APOBEC3F: variants seen among roughly 807,000 people sequenced by gnomAD.
APOBEC3F encodes the protein apolipoprotein B mRNA editing enzyme catalytic subunit 3F, also known as DNA dC->dU-editing enzyme APOBEC-3F.
Under a neutral mutation model 45.8 loss-of-function variants are expected in APOBEC3F, and 34 were observed. The ratio of observed to expected loss-of-function variants is 0.74; its 90% confidence interval spans 0.57 to 0.99. The LOEUF (loss-of-function observed/expected upper bound fraction) is 0.99, where lower values mean the gene tolerates loss of function less well. Among genes scored for constraint, APOBEC3F ranks in the 50% least tolerant of loss-of-function variants. The pLI is 0.00. For synonymous variants in APOBEC3F, 192 were observed against 174.4 expected (o/e 1.10, Z -0.80); for missense variants, 459 against 474.1 (o/e 0.97, Z 0.30).
Position 39,049,472 on chromosome 22 carries a change from A to G in APOBEC3F, c.614A>G (p.Lys205Arg). Residue 205 changes from lysine (K) to arginine (R), a missense_variant, in exon 5 of 7, where the codon AAA becomes AGA. Physicochemically the swap from Lys to Arg is conservative, Grantham distance 26. Coordinates refer to ENST00000308521, the MANE Select transcript of APOBEC3F (RefSeq NM_145298.6). ...MYPHIFYFHF[K>R]NLRKAYGRNE... is the part of the protein sequence containing the mutation. ...CCACACATATTCTACTTCCACTTTAAAAACCTACGCAAAGCCTATGGTCGG... is the reference window on the plus strand; with the variant it reads ...CCACACATATTCTACTTCCACTTTAGAAACCTACGCAAAGCCTATGGTCGG... The G allele has an allele frequency of 6.2e-7, 1 of 1,614,080 alleles. No homozygotes were observed. Among genetic ancestry groups the G allele is most frequent in the Non-Finnish European group, 8.5e-7 (1 of 1,180,016 alleles).
chr22:39,050,937 A>G (rs1927454698), intron 5 of APOBEC3F, among the ~76,000 whole-genome samples: 1 of 152,170 alleles, frequency 6.6e-6, no homozygotes, highest in South Asian at 2.1e-4. Flanking sequence ...GAAAAGACTC[A>G]ATAAAATAAA....
intron 4 of APOBEC3F, among the ~76,000 whole-genome samples, chr22:39,047,433 A>G (rs1927277392): frequency 6.6e-6 from 1 of 152,006 alleles, no homozygotes; most frequent in Admixed American, 6.5e-5. Flanking sequence ...TGGAAGATAA[A>G]ATAGAACCCA....
At position 39,052,986 on chromosome 22, in the gene APOBEC3F, A is replaced by ATTTTTT. The variant is rs201268620; in HGVS notation, c.*292_*293insTTTTTT. ...TTTCCCATCTCCCCAGCATAACCTAATATTTTTTTTTTTTTTTTGAGACGG... is the reference window on the plus strand; with the variant it reads ...TTTCCCATCTCCCCAGCATAACCTAATTTTTTTATTTTTTTTTTTTTTTTGAGACGG... On this transcript the variant is annotated 3_prime_UTR_variant, in exon 7 of 7. Transcript: ENST00000308521. 1.9e-5 allele frequency: 5 copies of ATTTTTT among 266,356 alleles called. No individual in the cohort carries two copies. The highest frequency in any genetic ancestry group is 2.5e-5 in the Non-Finnish European group (4 of 160,390). The allele number at this position is 266,356 out of a possible 1,614,324, so 16.5% of individuals were successfully genotyped here.
At position 39,044,904 on chromosome 22, in the gene APOBEC3F, C is replaced by T. The variant is rs767013641; in HGVS notation, c.172-37C>T. On this transcript the variant is annotated intron_variant, in intron 2 of 6. Transcript: ENST00000308521. ...CACCCCTGCACTCCTCCTGCTCCCC[C>T]TCTCAGAGCATCCCCTGCCCCCTGC... 243 of 1,586,504 alleles carry T rather than the reference C, an allele frequency of 1.5e-4. 1 individual carries two copies. Among genetic ancestry groups the T allele is most frequent in the Admixed American group, 1.1e-3 (62 of 58,356 alleles).
chr22:39,046,635 T>G (rs1366887557), intron 4 of APOBEC3F, among the ~76,000 whole-genome samples: 2 of 151,790 alleles, frequency 1.3e-5, no homozygotes, highest in African/African-American at 4.8e-5. Flanking sequence ...TTTTTTTTTT[T>G]GAGACACTGT....
intron 3 of APOBEC3F, 39 bp from the exon 4 acceptor site, chr22:39,045,388 TC>T: frequency 6.2e-7 from 1 of 1,613,680 alleles, no homozygotes; most frequent in Non-Finnish European, 8.5e-7. Flanking sequence ...GGGCCCAGGG[TC>T]AGGGCAGAGC....
intron 5 of APOBEC3F, among the ~76,000 whole-genome samples, chr22:39,051,386 A>G (rs1188328317): frequency 2.0e-5 from 3 of 151,104 alleles, no homozygotes; most frequent in Non-Finnish European, 4.4e-5. Context: ...AAATACAAAA[A>G]ATTAGCCAGG....
At chr22:39,041,720 G>A (rs140247279) in intron 1 of APOBEC3F, among the ~76,000 whole-genome samples, 91 of 152,046 alleles carry the variant, frequency 6.0e-4, no homozygotes, top group African/African-American at 2.1e-3. Context: ...AAAATTAGCC[G>A]GGTGTGGTGG....
chr22:39,053,638 A>C lies in APOBEC3F; in HGVS notation c.*943A>C, dbSNP rs1172148994. Reference sequence around the variant, plus strand: ...TGAAAATAAATCAATAAATAAACTCAACCGAAATGGGTATGAAAGTTGAAA... The same window carrying C: ...TGAAAATAAATCAATAAATAAACTCCACCGAAATGGGTATGAAAGTTGAAA... On this transcript the variant is annotated 3_prime_UTR_variant, in exon 7 of 7. Coordinates refer to ENST00000308521, the MANE Select transcript of APOBEC3F (RefSeq NM_145298.6). 1 of 152,110 alleles carries C rather than the reference A, an allele frequency of 6.6e-6. No individual in the cohort carries two copies. The highest frequency in any genetic ancestry group is 2.4e-5 in the African/African-American group (1 of 41,418). The allele number at this position is 152,110 out of a possible 1,614,324, so 9.4% of individuals were successfully genotyped here.
intron 4 of APOBEC3F, 61 bp from the exon 5 acceptor site, chr22:39,049,364 G>A: frequency 6.4e-7 from 1 of 1,573,434 alleles, no homozygotes; most frequent in South Asian, 1.2e-5. Flanking sequence ...TGTTCAGTGG[G>A]CATCAGCTCC....
rs144233634 is a variant in APOBEC3F, at chr22:39,045,015, C to T, written c.246C>T (p.Tyr82=). The stretch of plus-strand genomic sequence containing the variant: ...TCTGTGGCAACCAGCTGCCTGCTTA[C>T]AAGTGTTTCCAGATCACCTGGTTTG... The part of the protein sequence containing the change: ...SWFCGNQLPA[Y]KCFQITWFVS... Residue 82 remains tyrosine (Y), a synonymous_variant, in exon 3 of 7, where the codon TAC becomes TAT. Transcript: ENST00000308521. The T allele has an allele frequency of 2.7e-5, 44 of 1,614,050 alleles. No individual in the cohort carries two copies. Among genetic ancestry groups the T allele is most frequent in the Non-Finnish European group, 3.6e-5 (43 of 1,179,990 alleles).
chr22:39,053,180 G>A lies in APOBEC3F; in HGVS notation c.*485G>A, dbSNP rs191162898. Reference sequence around the variant, plus strand: ...TTTTTTTTTTTTTGTATTTTTAGTAGTGACTGGGTTTCACCATGTTGGCCA... The same window carrying A: ...TTTTTTTTTTTTTGTATTTTTAGTAATGACTGGGTTTCACCATGTTGGCCA... On this transcript the variant is annotated 3_prime_UTR_variant, in exon 7 of 7. Transcript: ENST00000308521. 1.8e-3 allele frequency: 279 copies of A among 151,292 alleles called. No individual in the cohort carries two copies. The highest frequency in any genetic ancestry group is 6.8e-3 in the Middle Eastern group (2 of 294). The allele number at this position is 151,292 out of a possible 1,614,324, so 9.4% of individuals were successfully genotyped here. A position where few individuals can be genotyped will look rare whatever the true frequency, so the allele number is the denominator to read the frequency against.
At chr22:39,051,907 A>C (rs1028837967) in intron 5 of APOBEC3F, among the ~76,000 whole-genome samples, 167 bp from the exon 6 acceptor site, 1 of 152,162 alleles carries the variant, frequency 6.6e-6, no homozygotes, top group African/African-American at 2.4e-5. Flanking sequence ...TCAGCCCCAG[A>C]TCGCACCACT....
chr22:39,044,447 T>A lies in APOBEC3F; in HGVS notation c.172-494T>A. The A allele has an allele frequency of 1.6e-6, 2 of 1,283,058 alleles. 1 individual carries two copies. Among genetic ancestry groups the A allele is most frequent in the South Asian group, 3.8e-5 (2 of 52,592 alleles). 79.5% of individuals were successfully genotyped at this position (1,283,058 alleles called of 1,614,324 possible). ...GAGTTCTGGCCTCTGGGAAGTCCAC[T>A]GTCAATGCACCAGCAACTTTCCAGG... On this transcript the variant is annotated intron_variant, in intron 2 of 6. Transcript: ENST00000308521.
In APOBEC3F at chr22:39,049,561, A is replaced by T. The variant is rs370797211; in HGVS notation, c.703A>T (p.Arg235Trp). The change falls in exon 5 of 7, where the codon AGG (arginine) becomes TGG (tryptophan). Residue 235 changes from arginine (R) to tryptophan (W), a missense_variant. Transcript: ENST00000308521. Reference protein sequence around the residue: ...VKHHSPVSWKRGVFRNQVDPE... With the variant: ...VKHHSPVSWKWGVFRNQVDPE... ...GCACCACTCACCTGTCTCCTGGAAG[A>T]GGGGCGTCTTCCGAAACCAGGTAGC... 3 of 1,614,024 alleles carry T rather than the reference A, an allele frequency of 1.9e-6. No individual in the cohort carries two copies. The highest frequency in any genetic ancestry group is 2.5e-6 in the Non-Finnish European group (3 of 1,180,010).
At chr22:39,046,619 A>ATT (rs1276205638) in intron 4 of APOBEC3F, among the ~76,000 whole-genome samples, 1 of 142,846 alleles carries the variant, frequency 7.0e-6, no homozygotes, top group Non-Finnish European at 1.5e-5. Flanking sequence ...ATTGAATAAG[A>ATT]TTTTTTTTTT....
chr22:39,052,951 T>A lies in APOBEC3F; in HGVS notation c.*256T>A. 1.5e-6 allele frequency: 1 copy of A among 646,766 alleles called. No homozygotes were observed. The highest frequency in any genetic ancestry group is 2.2e-6 in the Non-Finnish European group (1 of 459,028). The allele number at this position is 646,766 out of a possible 1,614,324, so 40.1% of individuals were successfully genotyped here. A position where few individuals can be genotyped will look rare whatever the true frequency, so the allele number is the denominator to read the frequency against. On this transcript the variant is annotated 3_prime_UTR_variant, in exon 7 of 7. Coordinates refer to ENST00000308521, the MANE Select transcript of APOBEC3F (RefSeq NM_145298.6). ...CCTGTTCCCTGAGCCTGCATGCCCC[T>A]AACCTGCCTTTTCCCATCTCCCCAG...
chr22:39,045,184 C>G lies in APOBEC3F; in HGVS notation c.415C>G (p.Gln139Glu). Residue 139 changes from glutamine to glutamate, a missense_variant, in exon 3 of 7, where the codon CAG (glutamine) becomes GAG (glutamate). Transcript: ENST00000308521. Reference sequence around the variant, plus strand: ...CCGAAGGGCGCTCTGCAGGCTGAGTCAGGCAGGGGCCCGCGTGAAGATTAT... The same window carrying G: ...CCGAAGGGCGCTCTGCAGGCTGAGTGAGGCAGGGGCCCGCGTGAAGATTAT... ...DYRRALCRLS[Q>E]AGARVKIMDD... The G allele has an allele frequency of 6.2e-7, 1 of 1,614,152 alleles. No individual in the cohort carries two copies. The highest frequency in any genetic ancestry group is 8.5e-7 in the Non-Finnish European group (1 of 1,180,022).
chr22:39,045,942 G>A (rs1054492762), intron 4 of APOBEC3F, among the ~76,000 whole-genome samples: 3 of 151,842 alleles, frequency 2.0e-5, no homozygotes, highest in East Asian at 1.9e-4. Flanking sequence ...GAGTCCCTGA[G>A]AAGGAGCAGC....
Sources: allele counts gnomAD v4.1 joint callset (sites outside exome capture counted in the v4.1 genomes callset), GRCh38; gene constraint gnomAD v4.1.1; transcripts MANE v1.5; gene names NCBI Gene and HGNC (gene_info 2026-07-23, HGNC 2026-07-21).